The following RMND1 variants were observed in gnomAD, a reference collection of about 807,000 sequenced individuals.
The protein encoded by RMND1 is required for meiotic nuclear division protein 1 homolog.
A neutral mutation model predicts 54.0 loss-of-function variants in RMND1; 41 were observed. That is an observed-to-expected ratio of 0.76 (90% CI 0.59 to 0.98). The LOEUF (loss-of-function observed/expected upper bound fraction) is 0.98, where lower values mean the gene tolerates loss of function less well. RMND1 is among the 50% of genes least tolerant of loss of function. The pLI, the probability that RMND1 is intolerant of heterozygous loss-of-function variation, is 0.00. For missense variants in RMND1, 457 were observed against 532.0 expected (o/e 0.86, Z 1.39); for synonymous variants, 183 against 181.7 (o/e 1.01, Z -0.06).
intron 2 of RMND1, 129 bp downstream of exon 2, chr6:151,445,179 G>C (rs1284101793): frequency 1.1e-6 from 1 of 882,498 alleles, no homozygotes; most frequent in African/African-American, 1.7e-5. Context: ...AGGCTTCAAA[G>C]ACCTTGATGA....
intron 6 of RMND1, among the ~76,000 whole-genome samples, chr6:151,424,168 T>A (rs1180283994): frequency 6.6e-6 from 1 of 150,852 alleles, no homozygotes; most frequent in Non-Finnish European, 1.5e-5. Flanking sequence ...TTTAAAAAAA[T>A]GGTCAGTGTT....
chr6:151,410,636 G>T (rs1194462188), intron 10 of RMND1, among the ~76,000 whole-genome samples: 1 of 152,098 alleles, frequency 6.6e-6, no homozygotes, highest in Non-Finnish European at 1.5e-5. Context: ...TGAGACTGGG[G>T]AATGAAATAA....
intron 1 of RMND1, among the ~76,000 whole-genome samples, chr6:151,451,175 G>A (rs1451829224): frequency 3.2e-4 from 42 of 131,852 alleles, no homozygotes; most frequent in African/African-American, 1.1e-3. Context: ...CCCCCTCTGC[G>A]AGAAACACCC....
intron 10 of RMND1, among the ~76,000 whole-genome samples, chr6:151,412,670 C>T (rs913404690): frequency 8.5e-5 from 13 of 152,162 alleles, no homozygotes; most frequent in Admixed American, 8.5e-4. Flanking sequence ...CACTGTTCTA[C>T]AGGAAGCATG....
chr6:151,436,833 C>T (rs569625169), intron 2 of RMND1: 1 of 271,918 alleles, frequency 3.7e-6, no homozygotes, highest in Admixed American at 4.7e-5. Flanking sequence ...CTGGTAGTAT[C>T]TCAAGCACAG....
chr6:151,422,947 T>A (rs777352430), intron 7 of RMND1, among the ~76,000 whole-genome samples: 1 of 152,038 alleles, frequency 6.6e-6, no homozygotes, highest in Non-Finnish European at 1.5e-5. Context: ...TTTCCTGGCC[T>A]CCCCTTCACT....
chr6:151,413,519 C>A (rs1056390487), intron 10 of RMND1, among the ~76,000 whole-genome samples: 2 of 152,202 alleles, frequency 1.3e-5, no homozygotes, highest in South Asian at 4.1e-4. Flanking sequence ...GGGTAACAGG[C>A]GTGAGCCACC....
chr6:151,449,850 T>G (rs1330580358), intron 1 of RMND1, among the ~76,000 whole-genome samples: 1 of 152,248 alleles, frequency 6.6e-6, no homozygotes, highest in South Asian at 2.1e-4. Context: ...GGGGTTTCGC[T>G]GTGTTGGCCG....
Position 151,405,174 on chromosome 6 carries a change from A to AT in RMND1, c.*60dup. On this transcript the variant is annotated 3_prime_UTR_variant, in exon 12 of 12. Transcript: ENST00000444024. ...CATGAGGCACCGCGCCGGGCCGAAC[A>AT]TTTAATTTTTGATTGTAGAACTTGA... 1 of 1,523,792 alleles carries AT rather than the reference A, an allele frequency of 6.6e-7. No homozygotes were observed. The highest frequency in any genetic ancestry group is 9.1e-7 in the Non-Finnish European group (1 of 1,099,006). The allele number at this position is 1,523,792 out of a possible 1,614,324, so 94.4% of individuals were successfully genotyped here. A position where few individuals can be genotyped will look rare whatever the true frequency, so the allele number is the denominator to read the frequency against.
intron 3 of RMND1, among the ~76,000 whole-genome samples, chr6:151,435,774 C>T (rs1780584806): frequency 6.6e-6 from 1 of 151,330 alleles, no homozygotes; most frequent in African/African-American, 2.4e-5. Flanking sequence ...TTTAAAGGCT[C>T]TCCCCATGTC....
At chr6:151,431,835 TTG>T (rs1582958748) in intron 4 of RMND1, among the ~76,000 whole-genome samples, 1 of 152,100 alleles carries the variant, frequency 6.6e-6, no homozygotes, top group Admixed American at 6.5e-5. Context: ...AGAAACATAT[TTG>T]TGTTGTTCAA....
At chr6:151,415,315 G>A (rs1779971313) in intron 10 of RMND1, among the ~76,000 whole-genome samples, 2 of 151,596 alleles carry the variant, frequency 1.3e-5, no homozygotes, top group African/African-American at 4.8e-5. Context: ...ATCCATTAGG[G>A]AAATAAAGAT....
intron 5 of RMND1, among the ~76,000 whole-genome samples, chr6:151,427,874 ATC>A (rs1269028817): frequency 1.3e-5 from 2 of 152,174 alleles, no homozygotes; most frequent in Non-Finnish European, 2.9e-5. Context: ...TATTCTTTAA[ATC>A]TCTTTAATAA....
chr6:151,451,642 G>A (rs1171818719), intron 1 of RMND1, among the ~76,000 whole-genome samples: 1 of 152,102 alleles, frequency 6.6e-6, no homozygotes, highest in African/African-American at 2.4e-5. Flanking sequence ...TGAAATACAA[G>A]GCAGTTACTC....
intron 2 of RMND1, among the ~76,000 whole-genome samples, chr6:151,440,697 G>A (rs1341460128): frequency 6.6e-6 from 1 of 152,194 alleles, no homozygotes; most frequent in East Asian, 1.9e-4. Context: ...CTGAGTCTTA[G>A]TTGTGGGTTT....
At chr6:151,441,739 A>G (rs1248647754) in intron 2 of RMND1, among the ~76,000 whole-genome samples, 1 of 152,160 alleles carries the variant, frequency 6.6e-6, no homozygotes, top group Admixed American at 6.5e-5. Flanking sequence ...AGAAGCTCCT[A>G]AGTTCCAGGC....
intron 10 of RMND1, among the ~76,000 whole-genome samples, chr6:151,407,574 C>T (rs939154918): frequency 1.3e-5 from 2 of 152,066 alleles, no homozygotes; most frequent in Admixed American, 6.6e-5. Flanking sequence ...AGCTTCGAAC[C>T]TCAATCCAAG....
intron 1 of RMND1, among the ~76,000 whole-genome samples, chr6:151,450,984 A>G (rs112236376): frequency 0.11 from 16,290 of 152,128 alleles, 903 homozygotes; most frequent in Middle Eastern, 0.18. Flanking sequence ...GTGCTTTGTT[A>G]AACAGATGCT....
At chr6:151,412,782 A>G (rs931714410) in intron 10 of RMND1, among the ~76,000 whole-genome samples, 1 of 152,152 alleles carries the variant, frequency 6.6e-6, no homozygotes, top group Non-Finnish European at 1.5e-5. Flanking sequence ...AGCGAAGAAG[A>G]GCGAACAAGG....
Sources: allele counts gnomAD v4.1 joint callset (sites outside exome capture counted in the v4.1 genomes callset), GRCh38; gene constraint gnomAD v4.1.1; transcripts MANE v1.5; gene names NCBI Gene and HGNC (gene_info 2026-07-23, HGNC 2026-07-21).